Variants in STXBP5L observed in about 807,000 individuals in gnomAD.
STXBP5L encodes syntaxin binding protein 5L, also known as syntaxin-binding protein 5-like.
Under a neutral mutation model 144.5 loss-of-function variants are expected in STXBP5L, and 65 were observed. The observed-to-expected ratio is 0.45, with a 90% CI of 0.37 to 0.55. The LOEUF is 0.55. Among genes scored for constraint, STXBP5L ranks in the 20% least tolerant of loss-of-function variants. The pLI is 0.00. For synonymous variants in STXBP5L, 505 were observed against 469.6 expected (o/e 1.08, Z -0.97); for missense variants, 1,298 against 1,405.5 (o/e 0.92, Z 1.22).
At chr3:121,356,015 T>C (rs1382409043) in intron 20 of STXBP5L, among the ~76,000 whole-genome samples, 1 of 152,144 alleles carries the variant, frequency 6.6e-6, no homozygotes. Flanking sequence ...GTATCACCAG[T>C]GGAGGCTGCA....
At chr3:121,222,229 A>T (rs1222675802) in intron 10 of STXBP5L, among the ~76,000 whole-genome samples, 2 of 152,122 alleles carry the variant, frequency 1.3e-5, no homozygotes, top group Admixed American at 1.3e-4. Context: ...TTGAGAAATG[A>T]AAAATGAAAA....
chr3:121,131,842 T>A (rs1015596740), intron 7 of STXBP5L, among the ~76,000 whole-genome samples: 4 of 152,152 alleles, frequency 2.6e-5, no homozygotes, highest in African/African-American at 4.8e-5. Context: ...ACATATAAAT[T>A]CCCTTTGTGA....
chr3:121,412,727 C>CAAAAAAAAAAAAAAAAAAAAAAAAAAAAA (rs35247157), intron 23 of STXBP5L, among the ~76,000 whole-genome samples: 3 of 69,592 alleles, frequency 4.3e-5, no homozygotes, highest in African/African-American at 6.0e-5. Context: ...TTTCTCCCTC[C>CAAAAAAAAAAAAAAAAAAAAAAAAAAAAA]AAAAAAAAAA....
At chr3:121,354,033 T>C (rs569908202) in intron 20 of STXBP5L, among the ~76,000 whole-genome samples, 7 of 152,236 alleles carry the variant, frequency 4.6e-5, no homozygotes, top group African/African-American at 7.2e-5. Context: ...TTGATTGCAC[T>C]GTGGTCTGAG....
chr3:121,259,716 T>A (rs907040132), intron 18 of STXBP5L, among the ~76,000 whole-genome samples: 11 of 152,112 alleles, frequency 7.2e-5, no homozygotes, highest in African/African-American at 2.7e-4. Flanking sequence ...ACTTCCATAT[T>A]TGGTATCTAG....
At chr3:121,162,014 A>C (rs1421020204) in intron 9 of STXBP5L, among the ~76,000 whole-genome samples, 1 of 152,182 alleles carries the variant, frequency 6.6e-6, no homozygotes, top group East Asian at 1.9e-4. Context: ...TGAATTAGGA[A>C]AACTATTACA....
chr3:120,965,999 ACTT>A (rs1237178207), intron 3 of STXBP5L, among the ~76,000 whole-genome samples: 2 of 151,562 alleles, frequency 1.3e-5, no homozygotes, highest in Admixed American at 6.6e-5. Flanking sequence ...TTTTCTCTAA[ACTT>A]CTCCTGTGAC....
intron 9 of STXBP5L, among the ~76,000 whole-genome samples, chr3:121,197,030 T>G (rs2047947675): frequency 6.6e-6 from 1 of 152,210 alleles, no homozygotes; most frequent in Admixed American, 6.5e-5. Context: ...ACATACTTGC[T>G]TATGGCTATA....
chr3:121,211,008 A>G (rs1251543926), intron 10 of STXBP5L, among the ~76,000 whole-genome samples: 2 of 152,192 alleles, frequency 1.3e-5, no homozygotes, highest in Non-Finnish European at 2.9e-5. Flanking sequence ...TTGAATCTAT[A>G]AATTACATTG....
chr3:120,960,719 T>A (rs1369695897), intron 3 of STXBP5L, among the ~76,000 whole-genome samples: 1 of 151,840 alleles, frequency 6.6e-6, no homozygotes, highest in Non-Finnish European at 1.5e-5. Flanking sequence ...ATGAGAACAC[T>A]TGGACACAGG....
intron 3 of STXBP5L, among the ~76,000 whole-genome samples, chr3:120,996,798 C>T (rs1264181155): frequency 2.0e-5 from 3 of 152,094 alleles, no homozygotes; most frequent in African/African-American, 7.2e-5. Flanking sequence ...TCCCACTTTT[C>T]TTGCTTTCCA....
At chr3:121,356,150 G>A (rs780116942) in intron 20 of STXBP5L, among the ~76,000 whole-genome samples, 5 of 152,248 alleles carry the variant, frequency 3.3e-5, no homozygotes, top group Non-Finnish European at 7.3e-5. Context: ...ACAGGTGTCA[G>A]CGACACACTT....
chr3:121,176,921 T>C (rs1004975877), intron 9 of STXBP5L, among the ~76,000 whole-genome samples: 1 of 151,980 alleles, frequency 6.6e-6, no homozygotes, highest in Non-Finnish European at 1.5e-5. Context: ...AGAAGTAATA[T>C]TTAAAATTAT....
At chr3:121,287,719 C>T (rs1484221665) in intron 19 of STXBP5L, among the ~76,000 whole-genome samples, 1 of 152,000 alleles carries the variant, frequency 6.6e-6, no homozygotes, top group Non-Finnish European at 1.5e-5. Flanking sequence ...ATTCCAGAAA[C>T]TCAGGAGGCT....
intron 9 of STXBP5L, among the ~76,000 whole-genome samples, chr3:121,166,325 G>A (rs1264673775): frequency 6.6e-6 from 1 of 152,028 alleles, no homozygotes; most frequent in Non-Finnish European, 1.5e-5. Flanking sequence ...TCAATATAAT[G>A]TTTGTTTCTG....
chr3:121,214,454 T>C (rs760735512), intron 10 of STXBP5L, among the ~76,000 whole-genome samples: 11 of 152,230 alleles, frequency 7.2e-5, no homozygotes, highest in Non-Finnish European at 1.2e-4. Flanking sequence ...TCTGCCTTAA[T>C]TTCATTATTT....
chr3:121,004,714 A>T (rs1484753478), intron 3 of STXBP5L, among the ~76,000 whole-genome samples: 3 of 152,146 alleles, frequency 2.0e-5, no homozygotes, highest in Non-Finnish European at 4.4e-5. Flanking sequence ...TCTTATTTTG[A>T]GATACGTCCC....
chr3:120,933,795 A>G (rs980570462), intron 2 of STXBP5L, among the ~76,000 whole-genome samples: 4 of 152,150 alleles, frequency 2.6e-5, no homozygotes, highest in East Asian at 1.9e-4. Context: ...AAGAATTTAA[A>G]TAGCTTGATC....
chr3:121,265,266 A>G (rs999176289), intron 18 of STXBP5L, among the ~76,000 whole-genome samples: 1 of 152,202 alleles, frequency 6.6e-6, no homozygotes, highest in African/African-American at 2.4e-5. Context: ...AAATCATAAT[A>G]AACAGTCTCT....
Sources: gnomAD v4.1 joint callset for allele counts (sites outside exome capture counted in the v4.1 genomes callset) on GRCh38, gnomAD v4.1.1 for gene constraint, MANE v1.5 for transcripts, NCBI Gene and HGNC (gene_info 2026-07-23, HGNC 2026-07-21) for gene names.